TG: variants seen among roughly 807,000 people sequenced by gnomAD.
The protein encoded by TG is thyroglobulin.
A neutral mutation model predicts 324.7 loss-of-function variants in TG; 270 were observed. The observed-to-expected ratio is 0.83, with a 90% CI of 0.75 to 0.92. The LOEUF (loss-of-function observed/expected upper bound fraction) is 0.92, where lower values mean the gene tolerates loss of function less well. TG is among the 40% of genes least tolerant of loss of function. The pLI is 0.00. For synonymous variants in TG, 1,401 were observed against 1,327.0 expected (o/e 1.06, Z -1.21); for missense variants, 3,591 against 3,456.4 (o/e 1.04, Z -0.98).
chr8:133,045,116 C>A, intron 41 of TG: 1 of 1,614,132 alleles, frequency 6.2e-7, no homozygotes, highest in Non-Finnish European at 8.5e-7. Flanking sequence ...GAGTAAAACC[C>A]TGCAGGAGGT....
intron 34 of TG, 122 bp downstream of exon 34, chr8:132,972,863 C>A: frequency 7.6e-7 from 1 of 1,322,998 alleles, no homozygotes; most frequent in Non-Finnish European, 1.1e-6. Context: ...GTTCAAGCAA[C>A]AGAAATAGAT....
chr8:132,910,074 C>T (rs1235827906), intron 18 of TG, among the ~76,000 whole-genome samples: 1 of 152,204 alleles, frequency 6.6e-6, no homozygotes, highest in Admixed American at 6.5e-5. Context: ...AAGCCCTTGG[C>T]ACACAGTAGG....
rs1199293995 is a variant in TG, at chr8:133,134,870, A to G, written c.*76A>G. ...ATCTTTTTCTCTAAAATAGCCACTT[A>G]CCTTCAATAAAGTATCTACATGCGG... On this transcript the variant is annotated 3_prime_UTR_variant, in exon 48 of 48. Coordinates refer to ENST00000220616, the MANE Select transcript of TG (RefSeq NM_003235.5). 8.8e-7 allele frequency: 1 copy of G among 1,137,620 alleles called. No individual in the cohort carries two copies. Among genetic ancestry groups the G allele is most frequent in the Middle Eastern group, 1.9e-4 (1 of 5,168 alleles). 70.5% of individuals were successfully genotyped at this position (1,137,620 alleles called of 1,614,324 possible).
At chr8:132,981,476 G>A (rs1158000430) in intron 34 of TG, among the ~76,000 whole-genome samples, 1 of 152,220 alleles carries the variant, frequency 6.6e-6, no homozygotes, top group Non-Finnish European at 1.5e-5. Flanking sequence ...GGTTCTGTGA[G>A]TCTCTTCTGG....
At chr8:132,924,541 T>G (rs1450800185) in intron 22 of TG, among the ~76,000 whole-genome samples, 1 of 152,202 alleles carries the variant, frequency 6.6e-6, no homozygotes, top group Non-Finnish European at 1.5e-5. Flanking sequence ...AAATACGTAT[T>G]GAGCTCTACC....
chr8:133,005,670 C>T (rs1833957841), intron 35 of TG, among the ~76,000 whole-genome samples: 1 of 152,162 alleles, frequency 6.6e-6, no homozygotes, highest in Non-Finnish European at 1.5e-5. Context: ...AGTCTGGCTG[C>T]TTTACTGTGT....
At chr8:133,098,223 C>T (rs1848724607) in intron 43 of TG, among the ~76,000 whole-genome samples, 1 of 152,174 alleles carries the variant, frequency 6.6e-6, no homozygotes, top group Non-Finnish European at 1.5e-5. Flanking sequence ...CCTCAAGTTG[C>T]TTCTGATCAA....
In TG at chr8:132,944,787, C is replaced by T. The variant is rs181762152; in HGVS notation, c.5233+3245C>T. On this transcript the variant is annotated intron_variant, in intron 26 of 47. Coordinates refer to ENST00000220616, the MANE Select transcript of TG (RefSeq NM_003235.5). ...TTGAAAACATGTAATAAGTCTTTTG[C>T]CCCATTCAGAGAGATAAATTAAGAC... Among the ~76,000 whole-genome samples, 133 of 152,264 alleles carry T rather than the reference C, an allele frequency of 8.7e-4. 2 individuals are homozygous for T. Among genetic ancestry groups the T allele is most frequent in the African/African-American group, 3.1e-3 (130 of 41,538 alleles).
At chr8:132,893,248 T>C (rs1342527369) in intron 10 of TG, among the ~76,000 whole-genome samples, 20 of 137,154 alleles carry the variant, frequency 1.5e-4, no homozygotes, top group Non-Finnish European at 2.8e-4. Context: ...TGTATGTGTG[T>C]GGTGTGTATG....
At chr8:133,050,567 C>T (rs183398059) in intron 41 of TG, 100 of 430,364 alleles carry the variant, frequency 2.3e-4, no homozygotes, top group African/African-American at 1.9e-3. Context: ...GAGGCTGGAT[C>T]ATAAAGGATC....
chr8:132,995,235 T>C, intron 35 of TG: 1 of 959,416 alleles, frequency 1.0e-6, no homozygotes, highest in Non-Finnish European at 1.2e-6. Context: ...ATGTTACCTA[T>C]TACCTACAAG....
At chr8:133,044,202 T>G (rs182291169) in intron 41 of TG, among the ~76,000 whole-genome samples, 8 of 152,304 alleles carry the variant, frequency 5.3e-5, no homozygotes, top group Admixed American at 2.6e-4. Flanking sequence ...CGTTCACAAT[T>G]TCTCCCTTTT....
chr8:132,919,282 T>C (rs915315742), intron 20 of TG, 94 bp from the exon 21 acceptor site: 30 of 1,331,934 alleles, frequency 2.3e-5, no homozygotes, highest in Admixed American at 7.8e-5. Context: ...GCTCTTGAAC[T>C]GGTTTGAGGA....
At chr8:133,067,684 G>C (rs1843218998) in intron 41 of TG, among the ~76,000 whole-genome samples, 1 of 152,038 alleles carries the variant, frequency 6.6e-6, no homozygotes, top group Admixed American at 6.6e-5. Context: ...GCTGAGGCAG[G>C]AGAATCACTT....
At chr8:133,119,223 C>G (rs901937313) in intron 45 of TG, among the ~76,000 whole-genome samples, 1 of 152,184 alleles carries the variant, frequency 6.6e-6, no homozygotes, top group South Asian at 2.1e-4. Context: ...GCTCTCATTT[C>G]CCCGGAGCAC....
intron 27 of TG, among the ~76,000 whole-genome samples, chr8:132,956,246 A>G (rs751424030): frequency 6.6e-6 from 1 of 152,292 alleles, no homozygotes; most frequent in Admixed American, 6.5e-5. Flanking sequence ...GGCTCTGTGT[A>G]TCATTCATTG....
Position 133,072,191 on chromosome 8 carries a change from G to A in TG, c.7240-22853G>A, listed in dbSNP as rs1034254792. Among the ~76,000 whole-genome samples the A allele has an allele frequency of 2.0e-5, 3 of 152,206 alleles. No individual in the cohort carries two copies. In the East Asian group the frequency reaches 5.8e-4, roughly 29 times the overall value. ...AGTCTGCCTGGTGCTAAGGAGCGAA[G>A]TGTGACTTTGCAAAGCTGTTTGACA... On this transcript the variant is annotated intron_variant, in intron 41 of 47. Coordinates refer to ENST00000220616, the MANE Select transcript of TG (RefSeq NM_003235.5).
chr8:133,116,807 A>G, intron 45 of TG, 91 bp downstream of exon 45: 1 of 1,020,548 alleles, frequency 9.8e-7, no homozygotes, highest in Non-Finnish European at 1.5e-6. Context: ...TAACCCCTCT[A>G]AGCCTCAGTT....
At chr8:132,874,443 T>G (rs924140245) in intron 5 of TG, among the ~76,000 whole-genome samples, 1 of 152,212 alleles carries the variant, frequency 6.6e-6, no homozygotes, top group Admixed American at 6.5e-5. Flanking sequence ...ACGCAGACTT[T>G]AGATGTAATT....
Sources: allele counts gnomAD v4.1 joint callset (sites outside exome capture counted in the v4.1 genomes callset), GRCh38; gene constraint gnomAD v4.1.1; transcripts MANE v1.5; gene names NCBI Gene and HGNC (gene_info 2026-07-23, HGNC 2026-07-21).